The following COX16 variants were observed in gnomAD, a reference collection of about 807,000 sequenced individuals.
COX16 encodes the protein cytochrome c oxidase assembly protein COX16 homolog, mitochondrial.
A neutral mutation model predicts 15.4 loss-of-function variants in COX16; 12 were observed. The ratio of observed to expected loss-of-function variants is 0.78; its 90% CI spans 0.50 to 1.26. COX16 has a LOEUF of 1.26. COX16 is among the 50% of genes most tolerant of loss of function. The pLI is 0.00. For synonymous variants in COX16, 46 were observed against 41.1 expected (o/e 1.12, Z -0.46); for missense variants, 124 against 127.6 (o/e 0.97, Z 0.14).
intron 3 of COX16, chr14:70,328,072 A>ATTTTGTTTTTTTTTTTTTTTT (rs1886143122): frequency 1.2e-5 from 1 of 80,838 alleles, no homozygotes; most frequent in African/African-American, 5.0e-5. Context: ...TGAGAATAAG[A>ATTTTGTTTTTTTTTTTTTTTT]TTTTTTTTTT....
Position 70,336,131 on chromosome 14 carries a change from C to T in COX16, c.141+6527G>A, listed in dbSNP as rs569427900. Reference sequence around the variant, plus strand: ...ATTAGCCGGGCGTGGTAGCATGCACCTGTAGTCCCAGCTACTCGGGAGGCT... The same window carrying T: ...ATTAGCCGGGCGTGGTAGCATGCACTTGTAGTCCCAGCTACTCGGGAGGCT... On this transcript the variant is annotated intron_variant, in intron 2 of 3. Transcript: ENST00000389912. 2.2e-3 allele frequency among the ~76,000 whole-genome samples: 339 copies of T among 152,260 alleles called. 2 individuals are homozygous for T. The highest frequency in any genetic ancestry group is 7.9e-3 in the African/African-American group (327 of 41,542).
At chr14:70,327,143 T>C (rs1403209230) in intron 3 of COX16, among the ~76,000 whole-genome samples, 3 of 150,052 alleles carry the variant, frequency 2.0e-5, no homozygotes, top group Non-Finnish European at 3.0e-5. Flanking sequence ...TCTGAAATAA[T>C]TGAGTAAGAT....
chr14:70,337,375 CAG>C (rs1333260579), intron 2 of COX16, among the ~76,000 whole-genome samples: 3 of 151,804 alleles, frequency 2.0e-5, no homozygotes, highest in African/African-American at 7.3e-5. Flanking sequence ...AGTGAAGAAA[CAG>C]AGAGGATAGC....
chr14:70,354,841 C>CGTGCGTGTGTGT (rs144038416), intron 1 of COX16, among the ~76,000 whole-genome samples: 2 of 148,982 alleles, frequency 1.3e-5, no homozygotes, highest in African/African-American at 5.0e-5. Context: ...TGTGTGTGTG[C>CGTGCGTGTGTGT]GTGTGTGTGT....
At position 70,358,055 on chromosome 14, in the gene COX16, G is replaced by A. The variant is rs1300558583; in HGVS notation, c.69+1464C>T. Among the ~76,000 whole-genome samples the A allele has an allele frequency of 4.6e-5, 7 of 152,150 alleles. No individual in the cohort carries two copies. The East Asian group carries it at 1.2e-3, about 25-fold the overall frequency. On this transcript the variant is annotated intron_variant, in intron 1 of 3. Coordinates refer to ENST00000389912, the MANE Select transcript of COX16 (RefSeq NM_016468.7). ...AATTATATCCATCAAAAGGAATGAA[G>A]TATTGATATATGTTACAATGTGAAT... is the stretch of plus-strand genomic sequence containing the variant.
intron 3 of COX16, among the ~76,000 whole-genome samples, chr14:70,327,215 A>C (rs1185745022): frequency 2.0e-5 from 3 of 152,194 alleles, no homozygotes; most frequent in Non-Finnish European, 4.4e-5. Context: ...AAATGGAATA[A>C]ATTTACCTTG....
rs1886748263 is a variant in COX16, at chr14:70,345,397, T to C, written c.70-2668A>G. Among the ~76,000 whole-genome samples the C allele has an allele frequency of 2.6e-5, 4 of 152,228 alleles. No homozygotes were observed. In the South Asian group the frequency reaches 8.3e-4, roughly 32 times the overall value. On this transcript the variant is annotated intron_variant, in intron 1 of 3. Transcript: ENST00000389912. ...GCAGCGGTGACAGTTGCTCCTTTTA[T>C]CATCTCCCTCCAGGATGGTCTCCTT...
chr14:70,330,734 C>T (rs1169552416), intron 2 of COX16, among the ~76,000 whole-genome samples: 1 of 152,098 alleles, frequency 6.6e-6, no homozygotes, highest in Non-Finnish European at 1.5e-5. Flanking sequence ...CTTATATGAA[C>T]AGTTGATTTA....
intron 1 of COX16, among the ~76,000 whole-genome samples, chr14:70,351,201 T>C (rs144813546): frequency 5.0e-4 from 76 of 152,330 alleles, no homozygotes; most frequent in African/African-American, 1.8e-3. Flanking sequence ...TTCCAACTTA[T>C]TGGTTGTCCT....
At chr14:70,330,046 A>C (rs1886231926) in intron 2 of COX16, among the ~76,000 whole-genome samples, 1 of 152,176 alleles carries the variant, frequency 6.6e-6, no homozygotes. Flanking sequence ...TTAAATAAAA[A>C]TAGCAAAGAA....
intron 2 of COX16, among the ~76,000 whole-genome samples, chr14:70,336,164 G>A (rs1350152989): frequency 3.3e-5 from 5 of 152,176 alleles, no homozygotes; most frequent in African/African-American, 7.2e-5. Flanking sequence ...GCTGAGGCAG[G>A]AGAATCGCTT....
chr14:70,331,387 G>A (rs897085850), intron 2 of COX16, among the ~76,000 whole-genome samples: 2 of 151,910 alleles, frequency 1.3e-5, no homozygotes, highest in Admixed American at 1.3e-4. Context: ...AATCTGGCAT[G>A]CATAAAAAGA....
chr14:70,352,548 T>C (rs1293985600), intron 1 of COX16, among the ~76,000 whole-genome samples: 3 of 149,678 alleles, frequency 2.0e-5, no homozygotes, highest in East Asian at 1.9e-4. Context: ...ACATGTTATA[T>C]AATTATATAT....
intron 3 of COX16, among the ~76,000 whole-genome samples, chr14:70,327,433 A>G (rs979236624): frequency 1.3e-5 from 2 of 152,198 alleles, no homozygotes; most frequent in African/African-American, 4.8e-5. Flanking sequence ...TCTTCATAGC[A>G]TCATTACTGG....
intron 1 of COX16, among the ~76,000 whole-genome samples, chr14:70,353,658 C>G (rs1378708774): frequency 1.3e-5 from 2 of 151,664 alleles, no homozygotes; most frequent in Non-Finnish European, 2.9e-5. Context: ...GGACCACAGG[C>G]GCCTGCCACC....
chr14:70,345,054 C>T (rs1043160349), intron 1 of COX16, among the ~76,000 whole-genome samples: 6 of 152,168 alleles, frequency 3.9e-5, no homozygotes, highest in Non-Finnish European at 8.8e-5. Flanking sequence ...TGCTGAAACC[C>T]GGGAGAGGTT....
At chr14:70,355,244 G>C (rs1237486183) in intron 1 of COX16, among the ~76,000 whole-genome samples, 1 of 151,984 alleles carries the variant, frequency 6.6e-6, no homozygotes, top group Non-Finnish European at 1.5e-5. Context: ...ATTTTCATCT[G>C]ATTTCATGAA....
intron 2 of COX16, among the ~76,000 whole-genome samples, chr14:70,332,863 G>A (rs1229498839): frequency 1.3e-5 from 2 of 152,224 alleles, no homozygotes; most frequent in Non-Finnish European, 2.9e-5. Context: ...CTGGTACGCT[G>A]AGACAGTCTT....
intron 1 of COX16, among the ~76,000 whole-genome samples, chr14:70,349,511 C>T (rs1247114156): frequency 1.3e-5 from 2 of 152,146 alleles, no homozygotes; most frequent in Non-Finnish European, 2.9e-5. Context: ...TTATCCAAGG[C>T]GTCTCTACGT....
Sources: allele counts gnomAD v4.1 joint callset (sites outside exome capture counted in the v4.1 genomes callset), GRCh38; gene constraint gnomAD v4.1.1; transcripts MANE v1.5; gene names NCBI Gene and HGNC (gene_info 2026-07-23, HGNC 2026-07-21).